SLC36A2: variants seen among roughly 807,000 people sequenced by gnomAD.
SLC36A2 encodes the protein proton-coupled amino acid transporter 2.
In SLC36A2, 39 loss-of-function variants were observed where a neutral mutation model predicts 42.7. The observed-to-expected ratio is 0.91, with a 90% CI of 0.71 to 1.19. SLC36A2 has a LOEUF of 1.19. Among genes scored for constraint, SLC36A2 ranks in the 50% most tolerant of loss-of-function variants. SLC36A2 has a pLI of 0.00. For synonymous variants in SLC36A2, 237 were observed against 240.8 expected (o/e 0.98, Z 0.15); for missense variants, 590 against 613.7 (o/e 0.96, Z 0.41).
intron 1 of SLC36A2, among the ~76,000 whole-genome samples, chr5:151,345,366 T>A (rs1306939192): frequency 6.6e-6 from 1 of 152,198 alleles, no homozygotes; most frequent in Non-Finnish European, 1.5e-5. Flanking sequence ...AGCTGTGTCA[T>A]CTTGGGCAAC....
chr5:151,325,180 G>C, intron 8 of SLC36A2, 106 bp downstream of exon 8: 2 of 1,320,526 alleles, frequency 1.5e-6, no homozygotes, highest in Non-Finnish European at 2.1e-6. Context: ...TCTTCTGTGG[G>C]AGGCTCTCTA....
chr5:151,335,455 G>A lies in SLC36A2; in HGVS notation c.618C>T (p.Leu206=). ...TPTMDSRLYM[L]SFLPFLVLLV... ...GCAGCACCAGGAAGGGCAGGAAGGA[G>A]AGCATGTAGAGTCGCGAGTCCATGG... is the stretch of plus-strand genomic sequence containing the variant. The change falls in exon 6 of 10, where the codon CTC becomes CTT. Residue 206 remains leucine (L), a synonymous_variant. Coordinates refer to ENST00000335244, the MANE Select transcript of SLC36A2 (RefSeq NM_181776.3). 1 of 1,614,176 alleles carries A rather than the reference G, an allele frequency of 6.2e-7. No homozygotes were observed. Among genetic ancestry groups the A allele is most frequent in the South Asian group, 1.1e-5 (1 of 91,082 alleles).
At chr5:151,335,240 AG>A in intron 6 of SLC36A2, 88 bp downstream of exon 6, 1 of 925,004 alleles carries the variant, frequency 1.1e-6, no homozygotes. Flanking sequence ...ACCCACCTAC[AG>A]GGTTGGCTCC....
intron 1 of SLC36A2, 72 bp from the exon 2 acceptor site, chr5:151,344,339 G>T: frequency 7.8e-7 from 1 of 1,290,036 alleles, no homozygotes; most frequent in Non-Finnish European, 1.1e-6. Context: ...TTCCCTTGCA[G>T]CATGCCAGCA....
intron 4 of SLC36A2, 29 bp from the exon 5 acceptor site, chr5:151,339,173 A>G (rs766981830): frequency 6.5e-7 from 1 of 1,545,030 alleles, no homozygotes; most frequent in South Asian, 1.1e-5. Flanking sequence ...GGAAAAAGAA[A>G]ACTTGTTATA....
chr5:151,344,307 A>G, intron 1 of SLC36A2, 40 bp from the exon 2 acceptor site: 3 of 1,540,758 alleles, frequency 1.9e-6, no homozygotes, highest in Middle Eastern at 1.7e-4. Context: ...GGGTGTGTGG[A>G]GGTGAGAAGA....
At chr5:151,335,892 G>T (rs1378335682) in intron 5 of SLC36A2, among the ~76,000 whole-genome samples, 1 of 151,876 alleles carries the variant, frequency 6.6e-6, no homozygotes, top group East Asian at 1.9e-4. Flanking sequence ...GCCAGGTGTG[G>T]TGGTGCATGC....
rs368399454 is a variant in SLC36A2 at position 151,335,310 on chromosome 5, G to A, written c.744+19C>T. 24 of 1,592,068 alleles carry A rather than the reference G, an allele frequency of 1.5e-5. No individual in the cohort carries two copies. The highest frequency in any genetic ancestry group is 1.9e-5 in the Non-Finnish European group (22 of 1,165,240). ...AAACCCTGCCCAGTGGAGTGGGCAG[G>A]TGCATGGTGTGCACTCACCTGGGTA... On this transcript the variant is annotated intron_variant, in intron 6 of 9. Coordinates refer to ENST00000335244, the MANE Select transcript of SLC36A2 (RefSeq NM_181776.3).
intron 4 of SLC36A2, among the ~76,000 whole-genome samples, chr5:151,341,906 A>G (rs996567906): frequency 2.0e-5 from 3 of 152,104 alleles, no homozygotes; most frequent in African/African-American, 7.2e-5. Flanking sequence ...TTGTCTCCCA[A>G]TCCCAGGATC....
At chr5:151,335,887 G>A (rs943807680) in intron 5 of SLC36A2, among the ~76,000 whole-genome samples, 4 of 151,860 alleles carry the variant, frequency 2.6e-5, no homozygotes, top group Admixed American at 6.6e-5. Flanking sequence ...AATTAGCCAG[G>A]TGTGGTGGTG....
chr5:151,332,948 A>C (rs2127293262), intron 7 of SLC36A2, among the ~76,000 whole-genome samples: 1 of 152,352 alleles, frequency 6.6e-6, no homozygotes, highest in Non-Finnish European at 1.5e-5. Context: ...TGATTTTAAA[A>C]GATTAGGAAA....
intron 7 of SLC36A2, among the ~76,000 whole-genome samples, chr5:151,331,550 C>T (rs1300839350): frequency 6.6e-6 from 1 of 151,956 alleles, no homozygotes; most frequent in Non-Finnish European, 1.5e-5. Context: ...AACTCCTGCC[C>T]TCAAGTGATC....
At chr5:151,332,369 A>G (rs1274678858) in intron 7 of SLC36A2, 1 of 454,902 alleles carries the variant, frequency 2.2e-6, no homozygotes, top group Non-Finnish European at 4.4e-6. Context: ...AAGATGTGCA[A>G]ATTGCCAACA....
At chr5:151,320,241 T>C (rs1473551694) in intron 9 of SLC36A2, among the ~76,000 whole-genome samples, 1 of 152,198 alleles carries the variant, frequency 6.6e-6, no homozygotes, top group African/African-American at 2.4e-5. Flanking sequence ...AATTAGTCCA[T>C]TCCTGCTAAT....
rs76321297 is a variant in SLC36A2, at chr5:151,333,514, G to A, written c.745-192C>T. Reference sequence around the variant, plus strand: ...GCACAATGCCAAAGAGCCAGAGGACGGTATTGTCAAAGTACTGAAGGAATA... The same window carrying A: ...GCACAATGCCAAAGAGCCAGAGGACAGTATTGTCAAAGTACTGAAGGAATA... On this transcript the variant is annotated intron_variant, in intron 6 of 9. Transcript: ENST00000335244. Among the ~76,000 whole-genome samples the A allele has an allele frequency of 0.041, 6,290 of 152,120 alleles. 440 individuals are homozygous for A. The highest frequency in any genetic ancestry group is 0.14 in the African/African-American group (5,972 of 41,466).
At chr5:151,334,283 A>G (rs1032960566) in intron 6 of SLC36A2, among the ~76,000 whole-genome samples, 1 of 152,220 alleles carries the variant, frequency 6.6e-6, no homozygotes, top group Non-Finnish European at 1.5e-5. Flanking sequence ...AATTTCACGG[A>G]CAATGTAACT....
intron 3 of SLC36A2, 37 bp downstream of exon 3, chr5:151,343,473 A>C (rs1310343493): frequency 1.3e-6 from 2 of 1,591,100 alleles, no homozygotes; most frequent in Admixed American, 1.7e-5. Flanking sequence ...AGAACCATGC[A>C]CCAAAGGAAT....
intron 8 of SLC36A2, among the ~76,000 whole-genome samples, chr5:151,324,782 T>C (rs1211150336): frequency 6.6e-6 from 1 of 152,210 alleles, no homozygotes; most frequent in Non-Finnish European, 1.5e-5. Context: ...ACTACAGGTA[T>C]GAGACATCAT....
chr5:151,326,684 C>T (rs1019663267), intron 7 of SLC36A2, among the ~76,000 whole-genome samples: 1 of 152,172 alleles, frequency 6.6e-6, no homozygotes, highest in African/African-American at 2.4e-5. Flanking sequence ...CCTCCTCAGG[C>T]TCTTATTGTC....
Sources: gnomAD v4.1 joint callset for allele counts (sites outside exome capture counted in the v4.1 genomes callset) on GRCh38, gnomAD v4.1.1 for gene constraint, MANE v1.5 for transcripts, NCBI Gene and HGNC (gene_info 2026-07-23, HGNC 2026-07-21) for gene names.